Variants in OSBPL1A observed in about 807,000 individuals in gnomAD.
OSBPL1A encodes the protein oxysterol binding protein like 1A, also known as oxysterol-binding protein-related protein 1.
In OSBPL1A, 80 loss-of-function variants were observed where a neutral mutation model predicts 137.1. The observed-to-expected ratio is 0.58, with a 90% confidence interval of 0.49 to 0.70. The LOEUF (loss-of-function observed/expected upper bound fraction) is 0.70, where lower values mean the gene tolerates loss of function less well. OSBPL1A is among the 30% of genes least tolerant of loss of function. The pLI is 0.00. For synonymous variants in OSBPL1A, 365 were observed against 389.7 expected, an observed-to-expected ratio of 0.94 and a Z score of 0.75; for missense variants, 970 against 1,129.4, an observed-to-expected ratio of 0.86 and a Z score of 2.02.
At chr18:24,304,319 A>AT (rs1226454712) in intron 13 of OSBPL1A, among the ~76,000 whole-genome samples, 1 of 152,162 alleles carries the variant, frequency 6.6e-6, no homozygotes, top group Middle Eastern at 3.2e-3. Flanking sequence ...ACATTTTTAG[A>AT]TCCCTAAAGG....
intron 1 of OSBPL1A, among the ~76,000 whole-genome samples, chr18:24,388,816 A>C (rs979771016): frequency 1.3e-5 from 2 of 151,750 alleles, no homozygotes; most frequent in Non-Finnish European, 2.9e-5. Context: ...AAAAAAAAAA[A>C]AAAAACCAAA....
chr18:24,281,898 T>A (rs1434665075), intron 14 of OSBPL1A, among the ~76,000 whole-genome samples: 1 of 152,082 alleles, frequency 6.6e-6, no homozygotes, highest in Non-Finnish European at 1.5e-5. Context: ...TGAGTGAGCA[T>A]TACCACCTGA....
chr18:24,345,554 C>T (rs1421286543), intron 4 of OSBPL1A, among the ~76,000 whole-genome samples: 6 of 152,054 alleles, frequency 3.9e-5, no homozygotes, highest in Admixed American at 6.6e-5. Flanking sequence ...GGCGTAGTGG[C>T]GCACACCTGT....
At chr18:24,266,295 A>G (rs1234690794) in intron 15 of OSBPL1A, among the ~76,000 whole-genome samples, 1 of 152,204 alleles carries the variant, frequency 6.6e-6, no homozygotes, top group Non-Finnish European at 1.5e-5. Context: ...ATCATGAGGT[A>G]AACAATGGTG....
At chr18:24,240,878 G>A (rs1188018253) in intron 15 of OSBPL1A, among the ~76,000 whole-genome samples, 2 of 151,998 alleles carry the variant, frequency 1.3e-5, no homozygotes, top group Non-Finnish European at 2.9e-5. Context: ...CCAAACCCAG[G>A]TGGTATCCCA....
chr18:24,344,829 G>A (rs1015916475), intron 4 of OSBPL1A, among the ~76,000 whole-genome samples: 1 of 152,128 alleles, frequency 6.6e-6, no homozygotes, highest in East Asian at 1.9e-4. Context: ...TTGTTTTCTT[G>A]GGGGGAGACG....
chr18:24,367,557 C>T (rs1194161530), intron 3 of OSBPL1A: 2 of 150,566 alleles, frequency 1.3e-5, no homozygotes, highest in East Asian at 3.9e-4. Flanking sequence ...GCAGGAGGAT[C>T]ACTTGAACCT....
Position 24,227,129 on chromosome 18 carries a change from G to A in OSBPL1A, c.1445-1931C>T, listed in dbSNP as rs146510536. On this transcript the variant is annotated intron_variant, in intron 16 of 27. Transcript: ENST00000319481. ...GCTGGTCTCAGACTCCTAACCTCAG[G>A]TGATCTGCCCACCTCAGCCTCCCAA... Among the ~76,000 whole-genome samples, 501 of 152,174 alleles carry A rather than the reference G, an allele frequency of 3.3e-3. 3 individuals are homozygous for A. The highest frequency in any genetic ancestry group is 0.012 in the African/African-American group (486 of 41,510).
intron 14 of OSBPL1A, among the ~76,000 whole-genome samples, chr18:24,299,002 T>A (rs1453868232): frequency 6.6e-6 from 1 of 152,242 alleles, no homozygotes. Flanking sequence ...TTATCTTTTT[T>A]AAACTGTTAT....
rs936938872 is a variant in OSBPL1A at position 24,383,292 on chromosome 18, T to G, written c.-2-5757A>C. Among the ~76,000 whole-genome samples the G allele has an allele frequency of 2.0e-5, 3 of 152,342 alleles. No homozygotes were observed. The East Asian group carries it at 5.8e-4, about 29-fold the overall frequency. ...TTGCTGGCATATTACACAAAAGGTT[T>G]AATATTCTTTTCATGCCTTTAAAGA... On this transcript the variant is annotated intron_variant, in intron 1 of 27. Coordinates refer to ENST00000319481, the MANE Select transcript of OSBPL1A (RefSeq NM_080597.4).
chr18:24,354,079 T>G (rs1568047854), intron 4 of OSBPL1A, among the ~76,000 whole-genome samples: 1 of 151,298 alleles, frequency 6.6e-6, no homozygotes, highest in Non-Finnish European at 1.5e-5. Context: ...ATAATAAAAT[T>G]TAAAAAAAGA....
At chr18:24,251,032 G>A (rs1032379721) in intron 15 of OSBPL1A, among the ~76,000 whole-genome samples, 10 of 152,214 alleles carry the variant, frequency 6.6e-5, no homozygotes, top group Admixed American at 5.9e-4. Context: ...CCTGTGGAAA[G>A]GGGAGGGAAG....
intron 15 of OSBPL1A, among the ~76,000 whole-genome samples, chr18:24,276,789 C>T (rs984048449): frequency 6.6e-6 from 1 of 152,062 alleles, no homozygotes; most frequent in Admixed American, 6.6e-5. Flanking sequence ...ACAATAATGC[C>T]TCATTTATTT....
intron 1 of OSBPL1A, among the ~76,000 whole-genome samples, chr18:24,395,434 T>G (rs1159565677): frequency 6.6e-6 from 1 of 152,040 alleles, no homozygotes; most frequent in Non-Finnish European, 1.5e-5. Flanking sequence ...AATATTATGA[T>G]CAGATATACA....
intron 18 of OSBPL1A, among the ~76,000 whole-genome samples, chr18:24,188,361 TTC>T (rs2145933395): frequency 6.6e-6 from 1 of 152,316 alleles, no homozygotes; most frequent in South Asian, 2.1e-4. Context: ...CCACCGGGCT[TTC>T]CAGGGGCTTG....
chr18:24,257,028 G>A (rs2089299670), intron 15 of OSBPL1A, among the ~76,000 whole-genome samples: 1 of 133,106 alleles, frequency 7.5e-6, no homozygotes, highest in Admixed American at 7.7e-5. Context: ...GGGAAAATGA[G>A]TACTGTTAAA....
In OSBPL1A at chr18:24,170,436, G is replaced by T; in HGVS notation, c.2309C>A (p.Ala770Asp). Residue 770 changes from alanine (A) to aspartate (D), a missense_variant, in exon 24 of 28, where the codon GCC becomes GAC. By Grantham distance (126) the Ala-to-Asp change is moderately radical. Transcript: ENST00000319481. The stretch of plus-strand genomic sequence containing the variant: ...ACATTCAGTCCACTTCCCATAGAGG[G>T]CACAGAGCTTCTTTTTGCTGTCAAG... The part of the protein sequence containing the change: ...IQDKSKKKLC[A>D]LYGKWTECLY... 6.2e-7 allele frequency: 1 copy of T among 1,614,002 alleles called. No individual in the cohort carries two copies. The highest frequency in any genetic ancestry group is 8.5e-7 in the Non-Finnish European group (1 of 1,179,990).
At chr18:24,260,765 T>C (rs2089426125) in intron 15 of OSBPL1A, among the ~76,000 whole-genome samples, 1 of 151,772 alleles carries the variant, frequency 6.6e-6, no homozygotes, top group African/African-American at 2.4e-5. Context: ...TGCCACTGAA[T>C]TGTATGCTCA....
chr18:24,221,728 C>T (rs1185675739), intron 17 of OSBPL1A, among the ~76,000 whole-genome samples: 1 of 152,184 alleles, frequency 6.6e-6, no homozygotes, highest in African/African-American at 2.4e-5. Flanking sequence ...GCTATGCTAG[C>T]TCTATTACAT....
Sources: gnomAD v4.1 joint callset for allele counts (sites outside exome capture counted in the v4.1 genomes callset) on GRCh38, gnomAD v4.1.1 for gene constraint, MANE v1.5 for transcripts, NCBI Gene and HGNC (gene_info 2026-07-23, HGNC 2026-07-21) for gene names.